The following LMF1 variants were observed in gnomAD, a reference collection of about 807,000 sequenced individuals.
LMF1 encodes lipase maturation factor 1, also known as transmembrane protein 112.
In LMF1, 68 loss-of-function variants were observed where a neutral mutation model predicts 60.6. The ratio of observed to expected loss-of-function variants is 1.12; its 90% confidence interval spans 0.92 to 1.37. The LOEUF is 1.37. LMF1 is among the 40% of genes most tolerant of loss of function. The pLI is 0.00. For missense variants in LMF1, 948 were observed against 767.2 expected, an observed-to-expected ratio of 1.24 and a Z score of -2.78; for synonymous variants, 418 against 324.7, an observed-to-expected ratio of 1.29 and a Z score of -3.09.
At chr16:971,979 C>T (rs2073058727), upstream of LMF1, among the ~76,000 whole-genome samples, 1 of 152,200 alleles carries the variant, frequency 6.6e-6, no homozygotes, top group African/African-American at 2.4e-5. Flanking sequence ...GCCTCTCTAG[C>T]TTTCCTAGTG....
chr16:862,621 G>A (rs1394889036), intron 10 of LMF1, among the ~76,000 whole-genome samples: 2 of 152,106 alleles, frequency 1.3e-5, no homozygotes, highest in Non-Finnish European at 2.9e-5. Context: ...ACTTTGGGAG[G>A]CTGAGGTGGG....
intron 4 of LMF1, chr16:899,045 C>T (rs1274085966): frequency 2.6e-5 from 4 of 152,290 alleles, no homozygotes; most frequent in African/African-American, 9.6e-5. Context: ...ACCCCCACAA[C>T]CCAGGAGATC....
intron 10 of LMF1, among the ~76,000 whole-genome samples, chr16:863,178 C>T (rs578127637): frequency 9.7e-4 from 147 of 151,940 alleles, no homozygotes; most frequent in South Asian, 4.8e-3. Flanking sequence ...ATCTCTTTTT[C>T]GTTTCGAGAC....
At chr16:980,451 G>C (rs978263158) in intron 1 of LMF1, 5 of 152,288 alleles carry the variant, frequency 3.3e-5, no homozygotes, top group Non-Finnish European at 5.9e-5. Flanking sequence ...TAACGGACCA[G>C]CTCCTTCTGC....
chr16:882,159 G>T (rs1459714823), intron 5 of LMF1, among the ~76,000 whole-genome samples: 1 of 152,236 alleles, frequency 6.6e-6, no homozygotes, highest in Non-Finnish European at 1.5e-5. Flanking sequence ...GGCAACTGCA[G>T]ATGGAGAAAA....
chr16:913,409 AG>A (rs1215528459), intron 3 of LMF1, among the ~76,000 whole-genome samples: 1 of 152,262 alleles, frequency 6.6e-6, no homozygotes, highest in African/African-American at 2.4e-5. Context: ...TGCACGGTCC[AG>A]GGAGATGCTC....
intron 2 of LMF1, among the ~76,000 whole-genome samples, chr16:935,452 C>T (rs1455343321): frequency 1.3e-5 from 2 of 151,864 alleles, no homozygotes; most frequent in African/African-American, 2.4e-5. Context: ...CTGACTTGTA[C>T]ACTTTATGTC....
intron 2 of LMF1, among the ~76,000 whole-genome samples, chr16:946,855 C>T (rs72769407): frequency 0.063 from 9,598 of 152,244 alleles, 308 homozygotes; most frequent in Non-Finnish European, 0.073. Context: ...AGGGGCTCAG[C>T]AAGTATCTGC....
chr16:855,077 C>T (rs1453107858), intron 10 of LMF1: 1 of 344,968 alleles, frequency 2.9e-6, no homozygotes, highest in South Asian at 2.9e-5. Flanking sequence ...CAAGTGTCCC[C>T]CGCCTGGGAA....
chr16:881,015 G>C (rs1266449098), intron 5 of LMF1, among the ~76,000 whole-genome samples: 1 of 152,230 alleles, frequency 6.6e-6, no homozygotes, highest in Non-Finnish European at 1.5e-5. Context: ...GCCCTGCAGG[G>C]AGGGAGGCGG....
intron 2 of LMF1, among the ~76,000 whole-genome samples, chr16:935,648 G>A (rs1018972087): frequency 6.6e-6 from 1 of 151,848 alleles, no homozygotes; most frequent in African/African-American, 2.4e-5. Flanking sequence ...ATCCTGAGCC[G>A]CGTGTGGACA....
intron 5 of LMF1, among the ~76,000 whole-genome samples, chr16:885,832 G>A (rs2070291323): frequency 6.6e-6 from 1 of 152,174 alleles, no homozygotes. Flanking sequence ...AGAAAATGAG[G>A]ACGTACAGAA....
chr16:968,225 C>G (rs934475753), intron 1 of LMF1: 3 of 152,220 alleles, frequency 2.0e-5, no homozygotes, highest in African/African-American at 7.2e-5. Context: ...GCCGGCCTCT[C>G]CAGGTCTGGC....
At chr16:949,882 C>T (rs185789986) in intron 2 of LMF1, among the ~76,000 whole-genome samples, 1 of 81,988 alleles carries the variant, frequency 1.2e-5, no homozygotes, top group African/African-American at 7.9e-5. Context: ...CGTCAGCCAA[C>T]GACAGAATCA....
In LMF1 at chr16:869,865, C is replaced by A; in HGVS notation, c.1416+18G>T. The A allele has an allele frequency of 1.2e-6, 2 of 1,606,642 alleles. No homozygotes were observed. The highest frequency in any genetic ancestry group is 2.2e-5 in the South Asian group (2 of 90,374). ...GGGTACAGGCAGGTCCATGCGCCCG[C>A]CAGGGACCGTCCCCCACCTGGAAGG... On this transcript the variant is annotated intron_variant, in intron 9 of 10. Transcript: ENST00000262301.
At chr16:879,763 G>T in intron 5 of LMF1, 26 bp from the exon 6 acceptor site, 1 of 1,556,748 alleles carries the variant, frequency 6.4e-7, no homozygotes, top group Non-Finnish European at 8.7e-7. Flanking sequence ...GGGCCGTGAG[G>T]TGCCTGGCCG....
intron 3 of LMF1, chr16:933,801 C>T (rs1015756723): frequency 5.0e-5 from 22 of 438,362 alleles, no homozygotes; most frequent in African/African-American, 2.7e-4. Context: ...GTATTGACTG[C>T]GTTGTGTGGG....
chr16:869,294 G>A (rs543282653), intron 9 of LMF1: 1 of 675,996 alleles, frequency 1.5e-6, no homozygotes, highest in East Asian at 2.8e-5. Context: ...GGGTGCCTTG[G>A]AGCCTGTCCA....
At chr16:973,723 G>A (rs992900978), upstream of LMF1, among the ~76,000 whole-genome samples, 109 of 152,282 alleles carry the variant, frequency 7.2e-4, 1 homozygote, top group African/African-American at 2.4e-3. Context: ...AAATGAGGCC[G>A]GGCACCGGGG....
Sources: gnomAD v4.1 joint callset for allele counts (sites outside exome capture counted in the v4.1 genomes callset) on GRCh38, gnomAD v4.1.1 for gene constraint, MANE v1.5 for transcripts, NCBI Gene and HGNC (gene_info 2026-07-23, HGNC 2026-07-21) for gene names.